ARSJ: variants seen among roughly 807,000 people sequenced by gnomAD.
ARSJ encodes arylsulfatase family member J.
In ARSJ, 26 loss-of-function variants were observed where a neutral mutation model predicts 35.9. The ratio of observed to expected loss-of-function variants is 0.72; its 90% CI spans 0.53 to 1.00. The LOEUF (loss-of-function observed/expected upper bound fraction) is 1.00, where lower values mean the gene tolerates loss of function less well. ARSJ is among the 50% of genes least tolerant of loss of function. ARSJ has a pLI of 0.00. For missense variants in ARSJ, 667 were observed against 723.6 expected (o/e 0.92, Z 0.90); for synonymous variants, 294 against 267.6 (o/e 1.10, Z -0.96).
At chr4:113,964,105 C>A (rs1726738954) in intron 1 of ARSJ, among the ~76,000 whole-genome samples, 1 of 152,018 alleles carries the variant, frequency 6.6e-6, no homozygotes, top group African/African-American at 2.4e-5. Flanking sequence ...AAATCTCAGA[C>A]TATTGATCCA....
At chr4:113,945,725 T>G (rs577756023) in intron 1 of ARSJ, among the ~76,000 whole-genome samples, 1 of 152,250 alleles carries the variant, frequency 6.6e-6, no homozygotes, top group Non-Finnish European at 1.5e-5. Flanking sequence ...CAGTTTACTT[T>G]TATGTATCTG....
At chr4:113,923,693 G>A (rs909895832) in intron 1 of ARSJ, among the ~76,000 whole-genome samples, 2 of 151,954 alleles carry the variant, frequency 1.3e-5, no homozygotes, top group African/African-American at 2.4e-5. Flanking sequence ...TAAGGGAGAA[G>A]TGATTTAACT....
At chr4:113,958,193 A>G (rs568840774) in intron 1 of ARSJ, among the ~76,000 whole-genome samples, 1 of 152,162 alleles carries the variant, frequency 6.6e-6, no homozygotes, top group Non-Finnish European at 1.5e-5. Flanking sequence ...TGGAAAAGCA[A>G]GCTGAACACC....
chr4:113,940,645 T>TAAAAA lies in ARSJ; in HGVS notation c.399-36975_399-36971dup, dbSNP rs566983455. 8.7e-4 allele frequency among the ~76,000 whole-genome samples: 126 copies of TAAAAA among 144,682 alleles called. 1 individual carries two copies. The highest frequency in any genetic ancestry group is 1.6e-3 in the African/African-American group (62 of 39,550). The allele number at this position is 144,682 out of a possible 152,430, so 94.9% of individuals were successfully genotyped here. On this transcript the variant is annotated intron_variant, in intron 1 of 1. Transcript: ENST00000315366. ...CATCCTGCACATGTACCCTGGAACTTAAAAAAAAAAAAATGTGTATAAAGA... is the reference window on the plus strand; with the variant it reads ...CATCCTGCACATGTACCCTGGAACTTAAAAAAAAAAAAAAAAAATGTGTATAAAGA...
chr4:113,956,330 A>C (rs1204363828), intron 1 of ARSJ, among the ~76,000 whole-genome samples: 3 of 152,138 alleles, frequency 2.0e-5, no homozygotes, highest in African/African-American at 4.8e-5. Flanking sequence ...TAAAGAGTTA[A>C]TTGTTAATCA....
intron 1 of ARSJ, among the ~76,000 whole-genome samples, chr4:113,932,088 CT>C (rs1724490174): frequency 6.6e-6 from 1 of 151,984 alleles, no homozygotes; most frequent in Non-Finnish European, 1.5e-5. Context: ...TAAAAATAGA[CT>C]ACAAATCAAA....
rs1174444412 is a variant in ARSJ at position 113,902,474 on chromosome 4, T to C, written c.1600A>G (p.Arg534Gly). 6.2e-7 allele frequency: 1 copy of C among 1,614,176 alleles called. No homozygotes were observed. Among genetic ancestry groups the C allele is most frequent in the Non-Finnish European group, 8.5e-7 (1 of 1,180,008 alleles). ...SQFNKTAVPV[R>G]YPPKDPRSNP... ...CTTCTGGGGTCTTTGGGGGGATACC[T>C]GACCGGCACTGCAGTTTTGTTGAAC... is the stretch of plus-strand genomic sequence containing the variant. The change falls in exon 2 of 2, where the codon AGG (arginine) becomes GGG (glycine). Residue 534 changes from arginine (R) to glycine (G), a missense_variant. Arg to Gly is a moderately radical substitution (Grantham distance 125). Transcript: ENST00000315366.
chr4:113,947,133 T>C (rs897798983), intron 1 of ARSJ, among the ~76,000 whole-genome samples: 2 of 152,098 alleles, frequency 1.3e-5, no homozygotes, highest in East Asian at 1.9e-4. Flanking sequence ...AATATAGACA[T>C]ATATAGTCAA....
chr4:113,973,712 C>T (rs1727421552), intron 1 of ARSJ, among the ~76,000 whole-genome samples: 1 of 152,140 alleles, frequency 6.6e-6, no homozygotes. Flanking sequence ...AGCTAATTAC[C>T]TGTAGGATAA....
Position 113,953,538 on chromosome 4 carries a change from AATTTGAATTTCCAATAGG to A in ARSJ, c.398+24881_398+24898del, listed in dbSNP as rs201282346. Reference sequence around the variant, plus strand: ...TAGTACAGTGAAAATTCTCAGTGACAATTTGAATTTCCAATAGGATTTGAATTTCCAATAGGATTTGAA... The same window carrying A: ...TAGTACAGTGAAAATTCTCAGTGACAATTTGAATTTCCAATAGGATTTGAA... On this transcript the variant is annotated intron_variant, in intron 1 of 1. Coordinates refer to ENST00000315366, the MANE Select transcript of ARSJ (RefSeq NM_024590.4). 2.1e-3 allele frequency among the ~76,000 whole-genome samples: 317 copies of A among 152,218 alleles called. 1 individual carries two copies. The East Asian group carries it at 0.024, about 12-fold the overall frequency.
At chr4:113,978,234 A>G (rs893066363) in intron 1 of ARSJ, among the ~76,000 whole-genome samples, 1 of 152,204 alleles carries the variant, frequency 6.6e-6, no homozygotes, top group Non-Finnish European at 1.5e-5. Context: ...GGAAAACTAG[A>G]CTACACTAGT....
chr4:113,972,302 AAAAAC>A lies in ARSJ; in HGVS notation c.398+6130_398+6134del, dbSNP rs1418240976. On this transcript the variant is annotated intron_variant, in intron 1 of 1. Coordinates refer to ENST00000315366, the MANE Select transcript of ARSJ (RefSeq NM_024590.4). Reference sequence around the variant, plus strand: ...TCTAAGAGATGATCTGGAAAAAAAAAAAAACAAAAAAAAAAACCCCACCATGATTT... The same window carrying A: ...TCTAAGAGATGATCTGGAAAAAAAAAAAAAAAAAAAACCCCACCATGATTT... Among the ~76,000 whole-genome samples, 1,230 of 143,528 alleles carry A rather than the reference AAAAAC, an allele frequency of 8.6e-3. 108 individuals are homozygous for A. The East Asian group carries it at 0.12, about 14-fold the overall frequency. 94.2% of individuals were successfully genotyped at this position (143,528 alleles called of 152,430 possible). A position where few individuals can be genotyped will look rare whatever the true frequency, so the allele number is the denominator to read the frequency against.
intron 1 of ARSJ, among the ~76,000 whole-genome samples, chr4:113,938,070 G>T (rs1229799002): frequency 6.6e-6 from 1 of 151,878 alleles, no homozygotes; most frequent in Non-Finnish European, 1.5e-5. Flanking sequence ...AAAAGAGCTG[G>T]TATACCCAGA....
chr4:113,923,487 A>C (rs574645162), intron 1 of ARSJ, among the ~76,000 whole-genome samples: 38 of 152,264 alleles, frequency 2.5e-4, no homozygotes, highest in African/African-American at 7.7e-4. Flanking sequence ...CTTTTATTTC[A>C]CACTGAAAGT....
At chr4:113,972,297 AAAAAAAAAAC>A (rs896147607) in intron 1 of ARSJ, among the ~76,000 whole-genome samples, 11 of 140,858 alleles carry the variant, frequency 7.8e-5, no homozygotes, top group African/African-American at 2.8e-4. Flanking sequence ...GATCTGGAAA[AAAAAAAAAAC>A]AAAAAAAAAA....
At chr4:113,956,215 T>C (rs1286556030) in intron 1 of ARSJ, among the ~76,000 whole-genome samples, 1 of 152,060 alleles carries the variant, frequency 6.6e-6, no homozygotes, top group Non-Finnish European at 1.5e-5. Flanking sequence ...GCCTACTTTA[T>C]GAAACATGTG....
chr4:113,924,775 T>C lies in ARSJ; in HGVS notation c.399-21100A>G, dbSNP rs147119895. Among the ~76,000 whole-genome samples the C allele has an allele frequency of 3.3e-4, 50 of 152,288 alleles. No individual in the cohort carries two copies. The East Asian group carries it at 9.1e-3, about 28-fold the overall frequency. ...CATAAGTGTTATACATGCACAAACATGTTCTTAACAAAAGAGGGAGGAAAT... is the reference window on the plus strand; with the variant it reads ...CATAAGTGTTATACATGCACAAACACGTTCTTAACAAAAGAGGGAGGAAAT... On this transcript the variant is annotated intron_variant, in intron 1 of 1. Transcript: ENST00000315366.
At position 113,903,139 on chromosome 4, in the gene ARSJ, T is replaced by G; in HGVS notation, c.935A>C (p.Lys312Thr). ...EAINNVTLAL[K>T]TYGFYNNSII... ...GCTGTTGTTATAGAAACCATAAGTC[T>G]TTAGAGCCAATGTCACGTTGTTGAT... is the stretch of plus-strand genomic sequence containing the variant. Residue 312 changes from lysine to threonine, a missense_variant, in exon 2 of 2, where the codon AAG becomes ACG. Physicochemically the swap from Lys to Thr is moderately conservative, Grantham distance 78. Coordinates refer to ENST00000315366, the MANE Select transcript of ARSJ (RefSeq NM_024590.4). The G allele has an allele frequency of 6.2e-7, 1 of 1,614,206 alleles. No individual in the cohort carries two copies. The highest frequency in any genetic ancestry group is 8.5e-7 in the Non-Finnish European group (1 of 1,180,032).
chr4:113,955,004 C>CTTTTTTTTTTTTTTTT (rs771948398), intron 1 of ARSJ, among the ~76,000 whole-genome samples: 4 of 138,212 alleles, frequency 2.9e-5, no homozygotes, highest in African/African-American at 5.3e-5. Context: ...TTTTTCTTTT[C>CTTTTTTTTTTTTTTTT]TTTTTTTTTT....
Sources: allele counts gnomAD v4.1 joint callset (sites outside exome capture counted in the v4.1 genomes callset), GRCh38; gene constraint gnomAD v4.1.1; transcripts MANE v1.5; gene names NCBI Gene and HGNC (gene_info 2026-07-23, HGNC 2026-07-21).